ADGRL2: variants seen among roughly 807,000 people sequenced by gnomAD.
The protein encoded by ADGRL2 is calcium-independent alpha-latrotoxin receptor 2.
Under a neutral mutation model 157.4 loss-of-function variants are expected in ADGRL2, and 44 were observed. The ratio of observed to expected loss-of-function variants is 0.28; its 90% CI spans 0.22 to 0.36. The LOEUF (loss-of-function observed/expected upper bound fraction) is 0.36. Among genes scored for constraint, ADGRL2 ranks in the 10% least tolerant of loss-of-function variants. The pLI is 1.00. For synonymous variants in ADGRL2, 585 were observed against 624.7 expected (o/e 0.94, Z 0.95); for missense variants, 1,510 against 1,768.9 (o/e 0.85, Z 2.63).
intron 2 of ADGRL2, among the ~76,000 whole-genome samples, chr1:81,499,420 G>A (rs2078796966): frequency 2.0e-5 from 3 of 152,262 alleles, no homozygotes. Context: ...TGGCCTGAGT[G>A]ATGGATCTCC....
chr1:81,737,478 C>T (rs2084941047), intron 1 of ADGRL2, among the ~76,000 whole-genome samples: 2 of 152,242 alleles, frequency 1.3e-5, no homozygotes, highest in South Asian at 4.1e-4. Flanking sequence ...ATGATCCAGT[C>T]ACCTCCCACC....
intron 2 of ADGRL2, among the ~76,000 whole-genome samples, chr1:81,460,687 AC>A (rs2077907644): frequency 6.6e-6 from 1 of 152,126 alleles, no homozygotes. Flanking sequence ...TTGAAGAGCC[AC>A]CCCTTTTACT....
intron 3 of ADGRL2, among the ~76,000 whole-genome samples, chr1:81,685,276 G>A (rs1289033961): frequency 6.6e-6 from 1 of 152,080 alleles, no homozygotes; most frequent in Non-Finnish European, 1.5e-5. Flanking sequence ...AGCATAGGAT[G>A]TGTTTCCATT....
intron 1 of ADGRL2, among the ~76,000 whole-genome samples, chr1:81,734,040 G>A (rs1384977251): frequency 1.3e-5 from 2 of 152,102 alleles, no homozygotes; most frequent in Admixed American, 6.6e-5. Flanking sequence ...ACTTTGGGAG[G>A]CCGAAGTGGA....
rs539946318 is a variant in ADGRL2, at chr1:81,965,278, T to C, written c.2018-780T>C. ...TCTCTCGCAAATATTTAACTGGCAT[T>C]GTAGCACTGAAGAAGCCATAGGCAA... On this transcript the variant is annotated intron_variant, in intron 11 of 23. Coordinates refer to ENST00000686636, the MANE Select transcript of ADGRL2 (RefSeq NM_001366006.2). Among the ~76,000 whole-genome samples the C allele has an allele frequency of 2.6e-5, 4 of 152,338 alleles. No individual in the cohort carries two copies. In the East Asian group the frequency reaches 7.7e-4, roughly 29 times the overall value.
chr1:81,483,657 T>C (rs2078438513), intron 2 of ADGRL2, among the ~76,000 whole-genome samples: 1 of 152,172 alleles, frequency 6.6e-6, no homozygotes, highest in Non-Finnish European at 1.5e-5. Flanking sequence ...CAATTCCAAA[T>C]ACTGCTAGTT....
chr1:81,554,683 GT>G, intron 2 of ADGRL2, among the ~76,000 whole-genome samples: 1 of 152,134 alleles, frequency 6.6e-6, no homozygotes, highest in African/African-American at 2.4e-5. Context: ...GCCAATCAGA[GT>G]TTCTAATGAC....
At chr1:81,685,012 G>A (rs1313489970) in intron 3 of ADGRL2, among the ~76,000 whole-genome samples, 1 of 152,128 alleles carries the variant, frequency 6.6e-6, no homozygotes, top group East Asian at 1.9e-4. Flanking sequence ...TTTTATACCT[G>A]TACCATGCTG....
intron 1 of ADGRL2, among the ~76,000 whole-genome samples, chr1:81,728,519 T>A (rs2084614776): frequency 6.6e-6 from 1 of 152,220 alleles, no homozygotes. Context: ...AGAACTTTTT[T>A]TCTTCATGCC....
intron 3 of ADGRL2, among the ~76,000 whole-genome samples, chr1:81,646,003 T>C (rs1253578674): frequency 6.6e-6 from 1 of 152,160 alleles, no homozygotes; most frequent in Non-Finnish European, 1.5e-5. Context: ...ATCAAAAAAC[T>C]TAAGTCACTC....
At chr1:81,408,483 T>C (rs1373995259) in intron 1 of ADGRL2, among the ~76,000 whole-genome samples, 3 of 145,148 alleles carry the variant, frequency 2.1e-5, no homozygotes, top group African/African-American at 7.6e-5. Flanking sequence ...AGTTTACACC[T>C]AACATTAGCG....
intron 1 of ADGRL2, among the ~76,000 whole-genome samples, chr1:81,398,854 A>G (rs912157873): frequency 6.6e-6 from 1 of 152,036 alleles, no homozygotes; most frequent in Non-Finnish European, 1.5e-5. Flanking sequence ...TTTACTTTTG[A>G]CAACTTGACT....
Position 81,504,634 on chromosome 1 carries a change from G to C in ADGRL2, c.-248+59545G>C, listed in dbSNP as rs899872054. Among the ~76,000 whole-genome samples, 4 of 152,164 alleles carry C rather than the reference G, an allele frequency of 2.6e-5. No individual in the cohort carries two copies. The East Asian group carries it at 5.8e-4, about 22-fold the overall frequency. On this transcript the variant is annotated intron_variant, in intron 2 of 24. Coordinates refer to the ADGRL2 transcript ENST00000370721. ...AGGAGGTGGGTGGAGGCATGCAGGG[G>C]AGACGACTCAGGGATCACGGGGGCG...
At chr1:81,631,509 G>A (rs2082010238) in intron 3 of ADGRL2, among the ~76,000 whole-genome samples, 5 of 152,002 alleles carry the variant, frequency 3.3e-5, no homozygotes. Flanking sequence ...GCCCAGCCAG[G>A]AGACCACACT....
intron 3 of ADGRL2, among the ~76,000 whole-genome samples, chr1:81,931,247 G>A (rs1452144928): frequency 6.6e-6 from 1 of 152,136 alleles, no homozygotes; most frequent in Non-Finnish European, 1.5e-5. Flanking sequence ...CTTTGTTGTG[G>A]TTGATGGATT....
At chr1:81,521,476 C>A (rs11586072) in intron 2 of ADGRL2, among the ~76,000 whole-genome samples, 16,828 of 152,068 alleles carry the variant, frequency 0.11, 1,066 homozygotes, top group South Asian at 0.18. Context: ...TTTCTCTATT[C>A]TTAAGGCTTC....
chr1:81,981,377 A>C (rs1317970674), intron 18 of ADGRL2, among the ~76,000 whole-genome samples: 3 of 151,908 alleles, frequency 2.0e-5, no homozygotes, highest in African/African-American at 7.2e-5. Context: ...TCTGAAGTTT[A>C]GGTGTTAAGT....
chr1:81,398,074 T>A (rs954830280), intron 1 of ADGRL2, among the ~76,000 whole-genome samples: 1 of 152,228 alleles, frequency 6.6e-6, no homozygotes, highest in African/African-American at 2.4e-5. Flanking sequence ...CTTCTTTGTC[T>A]CTTTTTACAG....
chr1:81,331,447 C>A (rs1661259578), intron 1 of ADGRL2, among the ~76,000 whole-genome samples: 1 of 152,066 alleles, frequency 6.6e-6, no homozygotes, highest in African/African-American at 2.4e-5. Context: ...TATATCAAGT[C>A]ACAGGCATGA....
Sources: allele counts gnomAD v4.1 joint callset (sites outside exome capture counted in the v4.1 genomes callset), GRCh38; gene constraint gnomAD v4.1.1; transcripts MANE v1.5; gene names NCBI Gene and HGNC (gene_info 2026-07-23, HGNC 2026-07-21).